The following CYYR1 variants were observed in gnomAD, a reference collection of about 807,000 sequenced individuals.
The protein encoded by CYYR1 is cysteine and tyrosine-rich protein 1.
In CYYR1, 14 loss-of-function variants were observed where a neutral mutation model predicts 15.2. The observed-to-expected ratio is 0.92, with a 90% CI of 0.61 to 1.44. The LOEUF (loss-of-function observed/expected upper bound fraction) is 1.44, where lower values mean the gene tolerates loss of function less well. Ranked by LOEUF, CYYR1 falls within the 40% of genes most tolerant of loss-of-function variation. CYYR1 has a pLI of 0.00. For synonymous variants in CYYR1, 80 were observed against 77.4 expected (o/e 1.03, Z -0.18); for missense variants, 228 against 209.5 (o/e 1.09, Z -0.54).
At chr21:26,540,587 TCTAAGG>T (rs1229114213) in intron 2 of CYYR1, among the ~76,000 whole-genome samples, 1 of 152,090 alleles carries the variant, frequency 6.6e-6, no homozygotes, top group Admixed American at 6.6e-5. Context: ...CAGCAGCCCA[TCTAAGG>T]CTAAAAAGAA....
chr21:26,517,248 C>G (rs977746944), intron 2 of CYYR1, among the ~76,000 whole-genome samples: 2 of 150,776 alleles, frequency 1.3e-5, no homozygotes, highest in Non-Finnish European at 2.9e-5. Context: ...AATAGGGCAG[C>G]TCTATAGTAG....
intron 2 of CYYR1, among the ~76,000 whole-genome samples, chr21:26,563,862 T>C (rs1980415236): frequency 6.6e-6 from 1 of 152,336 alleles, no homozygotes; most frequent in Admixed American, 6.5e-5. Context: ...TTTTAGCTCA[T>C]TTTAAACTGA....
chr21:26,557,502 C>T (rs1169036244), intron 2 of CYYR1, among the ~76,000 whole-genome samples: 3 of 152,136 alleles, frequency 2.0e-5, no homozygotes, highest in Non-Finnish European at 4.4e-5. Flanking sequence ...TTGTCCCCAC[C>T]ACCACAAGGA....
At chr21:26,477,812 A>G (rs1012013733) in intron 3 of CYYR1, 11 of 982,132 alleles carry the variant, frequency 1.1e-5, no homozygotes, top group Admixed American at 6.2e-5. Context: ...CCAAGGGAAA[A>G]AATTCAGAGG....
chr21:26,555,826 C>T (rs1454453142), intron 2 of CYYR1, among the ~76,000 whole-genome samples: 2 of 152,164 alleles, frequency 1.3e-5, no homozygotes, highest in African/African-American at 2.4e-5. Flanking sequence ...CATCAGAATT[C>T]TTCCAACATA....
At chr21:26,530,608 C>T (rs1212473433) in intron 2 of CYYR1, among the ~76,000 whole-genome samples, 2 of 152,006 alleles carry the variant, frequency 1.3e-5, no homozygotes, top group Non-Finnish European at 2.9e-5. Flanking sequence ...GTTATCCCTC[C>T]CCTATCCCCC....
intron 3 of CYYR1, among the ~76,000 whole-genome samples, chr21:26,479,241 A>G (rs1416209061): frequency 2.0e-5 from 3 of 152,052 alleles, no homozygotes; most frequent in African/African-American, 4.8e-5. Context: ...AAGAGGAACA[A>G]GAGGAATTAT....
At chr21:26,538,069 G>A (rs1003747021) in intron 2 of CYYR1, among the ~76,000 whole-genome samples, 21 of 152,174 alleles carry the variant, frequency 1.4e-4, no homozygotes, top group African/African-American at 4.8e-4. Flanking sequence ...CGATCACCAC[G>A]GAGATGAGCC....
chr21:26,500,067 G>A (rs2065459693), intron 2 of CYYR1, among the ~76,000 whole-genome samples: 1 of 152,116 alleles, frequency 6.6e-6, no homozygotes, highest in Non-Finnish European at 1.5e-5. Flanking sequence ...GGTTCTTGGT[G>A]AGGACCTACT....
intron 2 of CYYR1, among the ~76,000 whole-genome samples, chr21:26,511,424 A>T (rs888791312): frequency 6.6e-6 from 1 of 152,220 alleles, no homozygotes; most frequent in Non-Finnish European, 1.5e-5. Context: ...ACATAGTTCT[A>T]CTGTGATGAA....
intron 2 of CYYR1, among the ~76,000 whole-genome samples, chr21:26,547,421 G>A (rs971807126): frequency 6.6e-6 from 1 of 152,144 alleles, no homozygotes; most frequent in African/African-American, 2.4e-5. Context: ...ACAAACCATG[G>A]TCTGTTTTGT....
intron 2 of CYYR1, among the ~76,000 whole-genome samples, chr21:26,532,340 G>A (rs145860874): frequency 1.3e-5 from 2 of 152,214 alleles, no homozygotes; most frequent in African/African-American, 2.4e-5. Flanking sequence ...GCATGCATTT[G>A]TAACAGGACA....
At chr21:26,565,213 C>G (rs1980525017) in intron 2 of CYYR1, among the ~76,000 whole-genome samples, 1 of 152,120 alleles carries the variant, frequency 6.6e-6, no homozygotes, top group South Asian at 2.1e-4. Flanking sequence ...AGCCTCAACA[C>G]TGATTCCAGA....
intron 2 of CYYR1, among the ~76,000 whole-genome samples, chr21:26,546,790 C>T (rs766535413): frequency 6.6e-6 from 1 of 152,154 alleles, no homozygotes; most frequent in East Asian, 1.9e-4. Flanking sequence ...GCTTTATTAA[C>T]GTCGGGATAG....
chr21:26,548,804 A>G (rs1368702088), intron 2 of CYYR1, among the ~76,000 whole-genome samples: 1 of 152,180 alleles, frequency 6.6e-6, no homozygotes, highest in Admixed American at 6.5e-5. Context: ...TATTTTTAGA[A>G]AGTACTCCTA....
intron 2 of CYYR1, among the ~76,000 whole-genome samples, chr21:26,487,033 A>G (rs2065258098): frequency 6.6e-6 from 1 of 152,098 alleles, no homozygotes; most frequent in African/African-American, 2.4e-5. Context: ...ATAAAGTAGA[A>G]AAATTAAAAA....
chr21:26,568,232 C>T (rs1980776483), intron 1 of CYYR1: 1 of 152,080 alleles, frequency 6.6e-6, no homozygotes, highest in East Asian at 1.9e-4. Context: ...TTAATTTATT[C>T]AAATATTTAG....
At chr21:26,476,740 A>C (rs985595172) in intron 3 of CYYR1, among the ~76,000 whole-genome samples, 3 of 151,942 alleles carry the variant, frequency 2.0e-5, no homozygotes, top group Admixed American at 1.3e-4. Context: ...TCCTTTTGTT[A>C]GTATTTGACT....
intron 2 of CYYR1, among the ~76,000 whole-genome samples, chr21:26,558,416 C>T (rs1027236076): frequency 2.0e-5 from 3 of 152,116 alleles, no homozygotes; most frequent in African/African-American, 7.2e-5. Flanking sequence ...AATTCCTTGG[C>T]TCAGGCAATC....
Sources: allele counts gnomAD v4.1 joint callset (sites outside exome capture counted in the v4.1 genomes callset), GRCh38; gene constraint gnomAD v4.1.1; transcripts MANE v1.5; gene names NCBI Gene and HGNC (gene_info 2026-07-23, HGNC 2026-07-21).